MAGEA11: variants seen among roughly 807,000 people sequenced by gnomAD.
MAGEA11 encodes MAGE family member A11.
A neutral mutation model predicts 8.4 loss-of-function variants in MAGEA11; 1 was observed. That is an observed-to-expected ratio of 0.12 (90% CI 0.04 to 0.57). MAGEA11 has a LOEUF of 0.57. MAGEA11 is among the 20% of genes least tolerant of loss of function. MAGEA11 has a pLI of 0.91. For missense variants in MAGEA11, 209 were observed against 317.3 expected (o/e 0.66, Z 2.59); for synonymous variants, 127 against 119.3 (o/e 1.06, Z -0.42).
intron 1 of MAGEA11, among the ~76,000 whole-genome samples, chrX:149,693,571 T>A (rs905281801): frequency 1.2e-4 from 13 of 112,070 alleles, no homozygotes; most frequent in African/African-American, 3.9e-4. Flanking sequence ...CTTTCTTTTT[T>A]AAAAAAATAC....
At chrX:149,692,731 C>T (rs2090315505) in intron 1 of MAGEA11, among the ~76,000 whole-genome samples, 1 of 111,872 alleles carries the variant, frequency 8.9e-6, no homozygotes. Context: ...GCTGTGTCCC[C>T]ACCCAAATCT....
chrX:149,706,683 G>A (rs1201642008), intron 1 of MAGEA11, among the ~76,000 whole-genome samples: 2 of 111,993 alleles, frequency 1.8e-5, no homozygotes, highest in Non-Finnish European at 3.8e-5. Context: ...TGAGTCTTGA[G>A]TAGTTGTATT....
chrX:149,700,311 T>A (rs968053154), intron 1 of MAGEA11, among the ~76,000 whole-genome samples: 7 of 112,534 alleles, frequency 6.2e-5, no homozygotes, highest in African/African-American at 1.9e-4. Context: ...CATGTCTCTC[T>A]AAAACTGTGC....
chrX:149,696,832 C>G (rs1298983140), intron 1 of MAGEA11, among the ~76,000 whole-genome samples: 3 of 112,119 alleles, frequency 2.7e-5, no homozygotes, highest in Non-Finnish European at 5.6e-5. Context: ...CTAGCATTTC[C>G]TTCAAGTACT....
At chrX:149,697,839 G>A (rs1273039036) in intron 1 of MAGEA11, among the ~76,000 whole-genome samples, 2 of 111,632 alleles carry the variant, frequency 1.8e-5, no homozygotes, top group African/African-American at 6.5e-5. Flanking sequence ...GCCTGCAGGT[G>A]CATGCTGTTC....
chrX:149,689,693 C>A (rs1324320168), intron 1 of MAGEA11, among the ~76,000 whole-genome samples: 1 of 112,452 alleles, frequency 8.9e-6, no homozygotes, highest in African/African-American at 3.2e-5. Context: ...CCTGCACAGG[C>A]ACATATCTAT....
At chrX:149,700,364 T>C (rs992323903) in intron 1 of MAGEA11, among the ~76,000 whole-genome samples, 3 of 111,923 alleles carry the variant, frequency 2.7e-5, no homozygotes, top group Non-Finnish European at 3.8e-5. Flanking sequence ...TGCGATGAGC[T>C]GGTGTTCATT....
At chrX:149,715,530 C>G in intron 3 of MAGEA11, 74 bp from the exon 4 acceptor site, 1 of 735,366 alleles carries the variant, frequency 1.4e-6, no homozygotes, top group Admixed American at 2.5e-5. Flanking sequence ...CCTCACCTGC[C>G]CTACCTCAGT....
intron 1 of MAGEA11, among the ~76,000 whole-genome samples, chrX:149,696,942 T>C (rs1050780946): frequency 1.8e-5 from 2 of 111,710 alleles, no homozygotes; most frequent in Non-Finnish European, 3.8e-5. Flanking sequence ...ATGGAAGAAA[T>C]AGTATTTTCC....
At chrX:149,701,179 C>G (rs1175114707) in intron 1 of MAGEA11, among the ~76,000 whole-genome samples, 12 of 110,355 alleles carry the variant, frequency 1.1e-4, no homozygotes, top group East Asian at 2.9e-4. Context: ...TACAGTCCCA[C>G]CAACAGTGTA....
chrX:149,716,576 G>T lies in MAGEA11; in HGVS notation c.1090G>T (p.Val364Leu). 1 of 1,211,618 alleles carries T rather than the reference G, an allele frequency of 8.3e-7. No individual in the cohort carries two copies. The highest frequency in any genetic ancestry group is 1.1e-6 in the Non-Finnish European group (1 of 895,425). ...CAAGAGGCTCCTTACCCAAAATTGG[G>T]TGCAGGAAAAGTACCTGGTGTACCG... is the stretch of plus-strand genomic sequence containing the variant. ...EPKRLLTQNW[V>L]QEKYLVYRQV... The change falls in exon 5 of 5, where the codon GTG (valine) becomes TTG (leucine). Residue 364 changes from valine (V) to leucine (L), a missense_variant. By Grantham distance (32) the Val-to-Leu change is conservative. Coordinates refer to ENST00000355220, the MANE Select transcript of MAGEA11 (RefSeq NM_005366.5).
upstream of MAGEA11, among the ~76,000 whole-genome samples, chrX:149,708,685 T>C (rs184567934): frequency 5.6e-3 from 617 of 110,988 alleles, 5 homozygotes; most frequent in African/African-American, 0.018. Context: ...GACCCTTTTC[T>C]CTGAGCCATA....
chrX:149,688,855 AC>A, exon 1 of MAGEA11: 1 of 544,068 alleles, frequency 1.8e-6, no homozygotes, highest in Non-Finnish European at 2.9e-6. Context: ...AGCTGTCTTG[AC>A]CCCCAGTGGA....
chrX:149,705,390 T>C (rs912427970), intron 1 of MAGEA11, among the ~76,000 whole-genome samples: 2 of 112,127 alleles, frequency 1.8e-5, no homozygotes, highest in South Asian at 3.7e-4. Flanking sequence ...TTGCCTGCCG[T>C]CATCCACGTA....
intron 1 of MAGEA11, among the ~76,000 whole-genome samples, chrX:149,704,102 C>G (rs1557361226): frequency 8.9e-6 from 1 of 112,338 alleles, no homozygotes; most frequent in African/African-American, 3.2e-5. Context: ...CAATATGCCC[C>G]TAGGACTGAT....
At chrX:149,702,751 T>G (rs2090359921) in intron 1 of MAGEA11, among the ~76,000 whole-genome samples, 1 of 111,690 alleles carries the variant, frequency 9.0e-6, no homozygotes. Flanking sequence ...TTTTTCCTTC[T>G]TTATATTTTC....
At chrX:149,701,684 G>C (rs1234390763) in intron 1 of MAGEA11, among the ~76,000 whole-genome samples, 1 of 110,299 alleles carries the variant, frequency 9.1e-6, no homozygotes, top group Non-Finnish European at 1.9e-5. Context: ...TTCTTCTAGG[G>C]TTTTTATGGT....
In MAGEA11 at chrX:149,712,137, G is replaced by A. The variant is rs782450401; in HGVS notation, c.-43G>A. The A allele has an allele frequency of 1.6e-4, 118 of 750,986 alleles. No homozygotes were observed. The highest frequency in any genetic ancestry group is 1.8e-4 in the Non-Finnish European group (116 of 638,460). 61.9% of individuals were successfully genotyped at this position (750,986 alleles called of 1,213,427 possible). A position where few individuals can be genotyped will look rare whatever the true frequency, so the allele number is the denominator to read the frequency against. The stretch of plus-strand genomic sequence containing the variant: ...TGTCTTGAGAGTGGCAGAGGGCAGC[G>A]GGTCCAGGCTCCATGAGGAGGCAAG... On this transcript the variant is annotated 5_prime_UTR_variant, in exon 1 of 5. Coordinates refer to ENST00000355220, the MANE Select transcript of MAGEA11 (RefSeq NM_005366.5).
At chrX:149,705,566 A>G (rs2090373840) in intron 1 of MAGEA11, among the ~76,000 whole-genome samples, 1 of 112,422 alleles carries the variant, frequency 8.9e-6, no homozygotes, top group South Asian at 3.7e-4. Flanking sequence ...AGAAGCATGC[A>G]GGAGGTCAGC....
Sources: gnomAD v4.1 joint callset for allele counts (sites outside exome capture counted in the v4.1 genomes callset) on GRCh38, gnomAD v4.1.1 for gene constraint, MANE v1.5 for transcripts, NCBI Gene and HGNC (gene_info 2026-07-23, HGNC 2026-07-21) for gene names.